Variants in SMPDL3A observed in about 807,000 individuals in gnomAD.
SMPDL3A encodes cyclic GMP-AMP phosphodiesterase SMPDL3A.
In SMPDL3A, 39 loss-of-function variants were observed where a neutral mutation model predicts 38.5. The ratio of observed to expected loss-of-function variants is 1.01; its 90% CI spans 0.78 to 1.32. The LOEUF is 1.32. SMPDL3A is among the 40% of genes most tolerant of loss of function. The probability of loss-of-function intolerance (pLI) is 0.00; values close to 1 mark genes in which losing one functional copy is unlikely to be tolerated. For synonymous variants in SMPDL3A, 180 were observed against 194.3 expected (o/e 0.93, Z 0.61); for missense variants, 502 against 536.2 (o/e 0.94, Z 0.63).
At chr6:122,803,406 T>C (rs537901137) in intron 4 of SMPDL3A, among the ~76,000 whole-genome samples, 64 of 152,324 alleles carry the variant, frequency 4.2e-4, no homozygotes, top group Admixed American at 5.9e-4. Flanking sequence ...ATTTATCTTT[T>C]CATGTGAATA....
At chr6:122,799,369 G>A (rs1781349791) in intron 3 of SMPDL3A, among the ~76,000 whole-genome samples, 1 of 152,184 alleles carries the variant, frequency 6.6e-6, no homozygotes, top group African/African-American at 2.4e-5. Flanking sequence ...GTAATCATGG[G>A]ATTTAGACCA....
chr6:122,808,637 TCC>T (rs1781736644), intron 7 of SMPDL3A, among the ~76,000 whole-genome samples: 1 of 48,320 alleles, frequency 2.1e-5, no homozygotes, highest in Non-Finnish European at 4.1e-5. Context: ...CTTCCTTCCT[TCC>T]TTCCCCCCCT....
chr6:122,790,578 T>A (rs1272124571), intron 1 of SMPDL3A, among the ~76,000 whole-genome samples: 4 of 152,200 alleles, frequency 2.6e-5, no homozygotes, highest in African/African-American at 9.7e-5. Flanking sequence ...AGGGCAAATA[T>A]CTTCTCTTTG....
Position 122,795,866 on chromosome 6 carries a change from A to G in SMPDL3A, c.302A>G (p.Glu101Gly). The change falls in exon 2 of 8, where the codon GAA (glutamate) becomes GGA (glycine). Residue 101 changes from glutamate (E) to glycine (G), a missense_variant. By Grantham distance (98) the Glu-to-Gly change is moderately conservative. Coordinates refer to ENST00000368440, the MANE Select transcript of SMPDL3A (RefSeq NM_006714.5). Reference protein sequence around the residue: ...AFDFIKNSGQEASFMIWTGDS... With the variant: ...AFDFIKNSGQGASFMIWTGDS... ...GATTTTATTAAAAATTCTGGACAAGAAGCATCTTTCATGATATGGACAGGG... is the reference window on the plus strand; with the variant it reads ...GATTTTATTAAAAATTCTGGACAAGGAGCATCTTTCATGATATGGACAGGG... The G allele has an allele frequency of 6.2e-7, 1 of 1,612,870 alleles. No homozygotes were observed. The highest frequency in any genetic ancestry group is 1.1e-5 in the South Asian group (1 of 91,052).
chr6:122,789,912 A>G lies in SMPDL3A; in HGVS notation c.112+454A>G, dbSNP rs1781016771. On this transcript the variant is annotated intron_variant, in intron 1 of 7. Transcript: ENST00000368440. ...AGTTTCCCCACCAGCTCAGGGAAGT[A>G]AATTTCAGCGTGACTCACACTATCT... 5 of 972,386 alleles carry G rather than the reference A, an allele frequency of 5.1e-6. No homozygotes were observed. In the Admixed American group the frequency reaches 3.1e-4, roughly 60 times the overall value. The allele number at this position is 972,386 out of a possible 1,614,324, so 60.2% of individuals were successfully genotyped here. A position where few individuals can be genotyped will look rare whatever the true frequency, so the allele number is the denominator to read the frequency against.
chr6:122,789,424 G>T lies in SMPDL3A; in HGVS notation c.78G>T (p.Ala26=). The T allele has an allele frequency of 2.6e-6, 4 of 1,549,376 alleles. No homozygotes were observed. Among genetic ancestry groups the T allele is most frequent in the Non-Finnish European group, 3.5e-6 (4 of 1,146,318 alleles). ...HCRSGLGLPV[A]PAGGRNPPPA... is the part of the protein sequence containing the mutation. ...GCTCCGGCCTCGGGCTGCCCGTGGCGCCCGCAGGCGGCAGGAATCCTCCTC... is the reference window on the plus strand; with the variant it reads ...GCTCCGGCCTCGGGCTGCCCGTGGCTCCCGCAGGCGGCAGGAATCCTCCTC... The change falls in exon 1 of 8, where the codon GCG becomes GCT. Residue 26 remains alanine (A), a synonymous_variant. Coordinates refer to ENST00000368440, the MANE Select transcript of SMPDL3A (RefSeq NM_006714.5).
chr6:122,798,804 T>G (rs554339487), intron 3 of SMPDL3A, among the ~76,000 whole-genome samples: 2 of 150,660 alleles, frequency 1.3e-5, no homozygotes, highest in Admixed American at 6.7e-5. Context: ...ACCTAACTTC[T>G]ATAACATATC....
intron 3 of SMPDL3A, among the ~76,000 whole-genome samples, chr6:122,800,454 G>A (rs1421464414): frequency 3.9e-5 from 6 of 152,094 alleles, no homozygotes; most frequent in African/African-American, 9.7e-5. Context: ...ATGCTGCATC[G>A]GGCAGTGCAT....
chr6:122,801,751 C>A (rs546801294), intron 4 of SMPDL3A, among the ~76,000 whole-genome samples: 30 of 152,306 alleles, frequency 2.0e-4, no homozygotes, highest in African/African-American at 5.8e-4. Context: ...TAACTTCTAA[C>A]CAAGCAGCAC....
chr6:122,789,924 G>T (rs1781017201), intron 1 of SMPDL3A: 1 of 941,542 alleles, frequency 1.1e-6, no homozygotes, highest in African/African-American at 1.8e-5. Flanking sequence ...ATTTCAGCGT[G>T]ACTCACACTA....
intron 5 of SMPDL3A, 74 bp from the exon 6 acceptor site, chr6:122,804,835 T>A (rs1174994309): frequency 1.6e-6 from 2 of 1,226,448 alleles, no homozygotes; most frequent in African/African-American, 3.1e-5. Flanking sequence ...CAATCTTGGG[T>A]ATCCAAATGT....
chr6:122,805,160 T>G, intron 6 of SMPDL3A, 71 bp downstream of exon 6: 1 of 1,301,242 alleles, frequency 7.7e-7, no homozygotes. Context: ...TCCAGTAAAT[T>G]TGCTGATTTA....
At position 122,795,731 on chromosome 6, in the gene SMPDL3A, A is replaced by G; in HGVS notation, c.167A>G (p.Asp56Gly). 6.2e-7 allele frequency: 1 copy of G among 1,614,200 alleles called. No individual in the cohort carries two copies. Among genetic ancestry groups the G allele is most frequent in the Non-Finnish European group, 8.5e-7 (1 of 1,180,022 alleles). Residue 56 changes from aspartate to glycine, a missense_variant, in exon 2 of 8, where the codon GAT becomes GGT. Physicochemically the swap from Asp to Gly is moderately conservative, Grantham distance 94. Transcript: ENST00000368440. The stretch of plus-strand genomic sequence containing the variant: ...TTAGACCCTACTTACCACATCACAG[A>G]TGACCACACAAAAGTGTGTGCTTCA... ...LHLDPTYHIT[D>G]DHTKVCASSK...
intron 7 of SMPDL3A, among the ~76,000 whole-genome samples, chr6:122,808,609 C>CCCTTCCTT (rs1194682012): frequency 7.2e-4 from 32 of 44,362 alleles, no homozygotes; most frequent in Middle Eastern, 0.013. Flanking sequence ...CTCCCTCCCT[C>CCCTTCCTT]CCTTCCTTCC....
At chr6:122,804,570 G>A (rs67108234) in intron 5 of SMPDL3A, among the ~76,000 whole-genome samples, 29,921 of 151,892 alleles carry the variant, frequency 0.2, 3,311 homozygotes, top group South Asian at 0.34. Flanking sequence ...GCATCCCAAA[G>A]TGCTGGGATT....
intron 6 of SMPDL3A, 111 bp downstream of exon 6, chr6:122,805,200 C>A: frequency 1.2e-6 from 1 of 844,618 alleles, no homozygotes; most frequent in Non-Finnish European, 1.8e-6. Context: ...TAAAAATCTG[C>A]CAGCATTAGC....
chr6:122,801,142 A>G (rs1781417272), intron 3 of SMPDL3A, among the ~76,000 whole-genome samples, 168 bp from the exon 4 acceptor site: 1 of 152,178 alleles, frequency 6.6e-6, no homozygotes, highest in African/African-American at 2.4e-5. Flanking sequence ...GTTACATTTT[A>G]TCCCCCAGTC....
chr6:122,797,293 C>T (rs1403451610), intron 3 of SMPDL3A: 1 of 223,082 alleles, frequency 4.5e-6, no homozygotes, highest in African/African-American at 2.3e-5. Flanking sequence ...ATTTGCATGT[C>T]CATGACAAGG....
At chr6:122,808,671 C>T in intron 7 of SMPDL3A, among the ~76,000 whole-genome samples, 1 of 106,674 alleles carries the variant, frequency 9.4e-6, no homozygotes, top group East Asian at 3.4e-4. Flanking sequence ...CCTCCCTCTC[C>T]TTCTTTCTTA....
Sources: allele counts gnomAD v4.1 joint callset (sites outside exome capture counted in the v4.1 genomes callset), GRCh38; gene constraint gnomAD v4.1.1; transcripts MANE v1.5; gene names NCBI Gene and HGNC (gene_info 2026-07-23, HGNC 2026-07-21).